The following SPATC1 variants were observed in gnomAD, a reference collection of about 807,000 sequenced individuals.
The protein encoded by SPATC1 is spermatogenesis and centriole associated 1, also known as speriolin.
In SPATC1, 35 loss-of-function variants were observed where a neutral mutation model predicts 36.5. The ratio of observed to expected loss-of-function variants is 0.96; its 90% confidence interval spans 0.73 to 1.27. SPATC1 has a LOEUF of 1.27. Ranked by LOEUF, SPATC1 falls within the 50% of genes most tolerant of loss-of-function variation. SPATC1 has a pLI of 0.00. For missense variants in SPATC1, 779 were observed against 796.0 expected, an observed-to-expected ratio of 0.98 and a Z score of 0.26; for synonymous variants, 361 against 353.6, an observed-to-expected ratio of 1.02 and a Z score of -0.24.
rs547063041 is a variant in SPATC1 at position 144,016,086 on chromosome 8, G to T, written c.211+3360G>T. On this transcript the variant is annotated intron_variant, in intron 1 of 4. Coordinates refer to ENST00000377470, the MANE Select transcript of SPATC1 (RefSeq NM_198572.3). The surrounding 1 kb of genome is among the most constrained non-coding windows in gnomAD (Gnocchi z 4.5). ...TCTCAAAAAAAAAAAAAAGAAAAAAGAAAGAAAGAAAGAAAAGAAATTAGC... is the reference window on the plus strand; with the variant it reads ...TCTCAAAAAAAAAAAAAAGAAAAAATAAAGAAAGAAAGAAAAGAAATTAGC... 1.1e-4 allele frequency among the ~76,000 whole-genome samples: 17 copies of T among 149,628 alleles called. No homozygotes were observed. The highest frequency in any genetic ancestry group is 1.6e-4 in the Non-Finnish European group (11 of 67,406).
At chr8:144,025,678 CA>C (rs1834663190) in intron 1 of SPATC1, among the ~76,000 whole-genome samples, 1 of 152,116 alleles carries the variant, frequency 6.6e-6, no homozygotes, top group African/African-American at 2.4e-5. Context: ...GTCATGAACC[CA>C]AAGGTACCCT....
At chr8:144,015,514 G>A (rs1353815941) in intron 1 of SPATC1, among the ~76,000 whole-genome samples, 2 of 151,084 alleles carry the variant, frequency 1.3e-5, no homozygotes, top group African/African-American at 2.4e-5. Flanking sequence ...GGCTAAGGTG[G>A]GCGGATCACC....
rs539876524 is a variant in SPATC1 at position 144,040,625 on chromosome 8, C to A, written c.824C>A (p.Ala275Glu). 4 of 1,612,088 alleles carry A rather than the reference C, an allele frequency of 2.5e-6. No individual in the cohort carries two copies. Among genetic ancestry groups the A allele is most frequent in the South Asian group, 1.1e-5 (1 of 90,836 alleles). Residue 275 changes from alanine (A) to glutamate (E), a missense_variant, in exon 3 of 5, where the codon GCG becomes GAG. By Grantham distance (107) the Ala-to-Glu change is moderately radical. Coordinates refer to ENST00000377470, the MANE Select transcript of SPATC1 (RefSeq NM_198572.3). The part of the protein sequence containing the change: ...STQDPEPLSM[A>E]FAGAPLQTST... ...CAGGACCCAGAGCCTCTCAGCATGG[C>A]GTTTGCAGGAGCACCCCTCCAGACC...
chr8:144,041,143 C>T (rs782705627), intron 3 of SPATC1, 36 bp downstream of exon 3: 1 of 1,587,792 alleles, frequency 6.3e-7, no homozygotes, highest in South Asian at 1.1e-5. Context: ...GGGTCGGGCC[C>T]CCAGGCCCTC....
In SPATC1 at chr8:144,040,926, C is replaced by A. The variant is rs1554755865; in HGVS notation, c.1125C>A (p.Asn375Lys). Residue 375 changes from asparagine (N) to lysine (K), a missense_variant, in exon 3 of 5, where the codon AAC becomes AAA. Physicochemically the swap from Asn to Lys is moderately conservative, Grantham distance 94. Transcript: ENST00000377470. Reference sequence around the variant, plus strand: ...GAATGCATAATTCCCCAACCCAGAACCTGCCTGTCCCCCACTGTCCTCCAC... The same window carrying A: ...GAATGCATAATTCCCCAACCCAGAAACTGCCTGTCCCCCACTGTCCTCCAC... ...PSRMHNSPTQNLPVPHCPPHN... is the reference protein window; with the variant it reads ...PSRMHNSPTQKLPVPHCPPHN... 1 of 1,595,928 alleles carries A rather than the reference C, an allele frequency of 6.3e-7. No homozygotes were observed.
intron 1 of SPATC1, among the ~76,000 whole-genome samples, chr8:144,033,071 CA>C (rs1305550907): frequency 0.43 from 54,932 of 128,302 alleles, 11,300 homozygotes; most frequent in African/African-American, 0.61. Flanking sequence ...CAACAAACAG[CA>C]AAAAAAAAAA....
At chr8:144,023,050 C>CTT (rs1834575522) in intron 1 of SPATC1, among the ~76,000 whole-genome samples, 1 of 150,878 alleles carries the variant, frequency 6.6e-6, no homozygotes, top group Admixed American at 6.6e-5. Flanking sequence ...TCAGGACCCT[C>CTT]CCACCTCAGG....
intron 4 of SPATC1, among the ~76,000 whole-genome samples, chr8:144,043,442 C>G (rs746142180): frequency 6.6e-6 from 1 of 151,996 alleles, no homozygotes; most frequent in Admixed American, 6.6e-5. Context: ...CCACCAGGCC[C>G]GGCTAATTTT....
intron 1 of SPATC1, among the ~76,000 whole-genome samples, chr8:144,036,201 T>C (rs1587514004): frequency 6.6e-6 from 1 of 152,148 alleles, no homozygotes; most frequent in Non-Finnish European, 1.5e-5. Flanking sequence ...CTTGAGGAGT[T>C]TGAGACCAGC....
intron 1 of SPATC1, among the ~76,000 whole-genome samples, chr8:144,028,264 C>G (rs1165900432): frequency 3.3e-5 from 5 of 151,914 alleles, no homozygotes; most frequent in African/African-American, 9.7e-5. Context: ...TCAGAGCAAA[C>G]AGACAACCTA....
Position 144,016,704 on chromosome 8 carries a change from C to T in SPATC1, c.211+3978C>T, listed in dbSNP as rs1554753290. On this transcript the variant is annotated intron_variant, in intron 1 of 4. Transcript: ENST00000377470. This position sits in a 1 kb window ranked among gnomAD's most constrained non-coding sequence, Gnocchi z 4.5. ...AGGCTGGAGTGCAATGGCGCAATCT[C>T]GGCTCACCGCAACCTCCACCTCCCG... 6.6e-6 allele frequency among the ~76,000 whole-genome samples: 1 copy of T among 152,142 alleles called. No individual in the cohort carries two copies. The highest frequency in any genetic ancestry group is 2.4e-5 in the African/African-American group (1 of 41,420).
chr8:144,025,641 C>A (rs994228142), intron 1 of SPATC1, among the ~76,000 whole-genome samples: 4 of 152,292 alleles, frequency 2.6e-5, no homozygotes, highest in African/African-American at 9.6e-5. Context: ...TAGCTGAGGA[C>A]TCTCCCTCCA....
rs1374825399 is a variant in SPATC1, at chr8:144,040,047, T to C, written c.350T>C (p.Leu117Pro). Residue 117 changes from leucine (L) to proline (P), a missense_variant, in exon 2 of 5, where the codon CTG (leucine) becomes CCG (proline). Transcript: ENST00000377470. ...SATPGSLMSP[L>P]TGTLSTLLSG... Reference sequence around the variant, plus strand: ...ACACCGGGCTCACTCATGAGCCCCCTGACAGGCACCCTCAGCACGCTGCTG... The same window carrying C: ...ACACCGGGCTCACTCATGAGCCCCCCGACAGGCACCCTCAGCACGCTGCTG... 2 of 1,613,544 alleles carry C rather than the reference T, an allele frequency of 1.2e-6. No homozygotes were observed. Among genetic ancestry groups the C allele is most frequent in the Non-Finnish European group, 8.5e-7 (1 of 1,179,992 alleles).
intron 1 of SPATC1, among the ~76,000 whole-genome samples, chr8:144,036,020 G>A (rs1343719087): frequency 2.6e-5 from 4 of 152,034 alleles, no homozygotes; most frequent in South Asian, 2.1e-4. Context: ...TCTCCTTCAC[G>A]TCTGTCCTCT....
chr8:144,023,821 C>T (rs2133113684), intron 1 of SPATC1, among the ~76,000 whole-genome samples: 24 of 334 alleles, frequency 0.072, 12 homozygotes, highest in Admixed American at 0.31. Context: ...CCTGTCCCCT[C>T]AGGACCTCCC....
intron 1 of SPATC1, among the ~76,000 whole-genome samples, chr8:144,019,660 CTA>C (rs1282575103): frequency 6.6e-6 from 1 of 152,098 alleles, no homozygotes; most frequent in Non-Finnish European, 1.5e-5. Context: ...GCTCAAGACA[CTA>C]AAACAGTAAC....
intron 1 of SPATC1, among the ~76,000 whole-genome samples, chr8:144,022,831 C>T (rs899985325): frequency 2.2e-5 from 3 of 138,398 alleles, no homozygotes; most frequent in Admixed American, 7.0e-5. Context: ...TCTTTTCTAA[C>T]GACCTTCTTC....
At chr8:144,034,619 T>C (rs1834862347) in intron 1 of SPATC1, among the ~76,000 whole-genome samples, 1 of 151,944 alleles carries the variant, frequency 6.6e-6, no homozygotes. Context: ...TCTCAGCTTT[T>C]ATTTATTTAT....
In SPATC1 at chr8:144,040,736, C is replaced by A; in HGVS notation, c.935C>A (p.Ala312Asp). 6.2e-7 allele frequency: 1 copy of A among 1,613,180 alleles called. No homozygotes were observed. The highest frequency in any genetic ancestry group is 8.5e-7 in the Non-Finnish European group (1 of 1,179,766). ...TCGGACACACAGGCCCAGCCCAGTG[C>A]CGCCCAGGAACAAGTGGTCCCTGCA... Reference protein sequence around the residue: ...NTSDTQAQPSAAQEQVVPASV... With the variant: ...NTSDTQAQPSDAQEQVVPASV... Residue 312 changes from alanine to aspartate, a missense_variant, in exon 3 of 5, where the codon GCC becomes GAC. Physicochemically the swap from Ala to Asp is moderately radical, Grantham distance 126. Coordinates refer to ENST00000377470, the MANE Select transcript of SPATC1 (RefSeq NM_198572.3).
Sources: allele counts gnomAD v4.1 joint callset (sites outside exome capture counted in the v4.1 genomes callset), GRCh38; gene constraint gnomAD v4.1.1; non-coding constraint Gnocchi (gnomAD v3.1); transcripts MANE v1.5; gene names NCBI Gene and HGNC (gene_info 2026-07-23, HGNC 2026-07-21).